The following KICS2 variants were observed in gnomAD, a reference collection of about 807,000 sequenced individuals.
The protein encoded by KICS2 is KICSTOR complex protein C12orf66.
Under a neutral mutation model 31.4 loss-of-function variants are expected in KICS2, and 13 were observed. The ratio of observed to expected loss-of-function variants is 0.41; its 90% CI spans 0.27 to 0.66. KICS2 has a LOEUF of 0.66. Among genes scored for constraint, KICS2 ranks in the 30% least tolerant of loss-of-function variants. KICS2 has a pLI of 0.28. For synonymous variants in KICS2, 209 were observed against 214.8 expected, an observed-to-expected ratio of 0.97 and a Z score of 0.24; for missense variants, 455 against 545.4, an observed-to-expected ratio of 0.83 and a Z score of 1.65.
chr12:64,213,601 A>G (rs1164388751), intron 2 of KICS2, among the ~76,000 whole-genome samples: 1 of 152,188 alleles, frequency 6.6e-6, no homozygotes, highest in African/African-American at 2.4e-5. Context: ...TGAAAAATCA[A>G]TTGCTGTTTT....
At chr12:64,202,540 T>A (rs2037499591) in intron 2 of KICS2, among the ~76,000 whole-genome samples, 1 of 151,500 alleles carries the variant, frequency 6.6e-6, no homozygotes, top group South Asian at 2.1e-4. Context: ...GCTTGAGTCA[T>A]AATGTTCTAG....
rs571450168 is a variant in KICS2, at chr12:64,194,226, G to A, written c.954C>T (p.Asp318=). The A allele has an allele frequency of 2.5e-6, 4 of 1,614,192 alleles. No homozygotes were observed. The East Asian group carries it at 6.7e-5, about 27-fold the overall frequency. Residue 318 remains aspartate (D), a synonymous_variant, in exon 3 of 3, where the codon GAC becomes GAT. Coordinates refer to ENST00000398055, the MANE Select transcript of KICS2 (RefSeq NM_152440.5). Reference sequence around the variant, plus strand: ...CCTGAAAACTCTCAGAACCTCTGTTGTCAAAAATTAAGGACACATTGGCAG... The same window carrying A: ...CCTGAAAACTCTCAGAACCTCTGTTATCAAAAATTAAGGACACATTGGCAG... The part of the protein sequence containing the change: ...YDAANVSLIF[D]NRGSESFQGH...
chr12:64,204,271 T>G lies in KICS2; in HGVS notation c.522-9613A>C, dbSNP rs187389159. Among the ~76,000 whole-genome samples, 818 of 152,240 alleles carry G rather than the reference T, an allele frequency of 5.4e-3. 13 individuals are homozygous for G. Among genetic ancestry groups the G allele is most frequent in the African/African-American group, 0.019 (783 of 41,538 alleles). Reference sequence around the variant, plus strand: ...GTTAATGCATGCTGGGCTTAATACCTCAGTGATGGGTTAACAGGTGCAGCA... The same window carrying G: ...GTTAATGCATGCTGGGCTTAATACCGCAGTGATGGGTTAACAGGTGCAGCA... On this transcript the variant is annotated intron_variant, in intron 2 of 2. Coordinates refer to ENST00000398055, the MANE Select transcript of KICS2 (RefSeq NM_152440.5).
chr12:64,202,160 T>C (rs2037496371), intron 2 of KICS2, among the ~76,000 whole-genome samples: 1 of 152,172 alleles, frequency 6.6e-6, no homozygotes, highest in South Asian at 2.1e-4. Context: ...AACCCAGCAC[T>C]TTGGGAGGCA....
intron 2 of KICS2, among the ~76,000 whole-genome samples, chr12:64,208,817 A>AT (rs1372021178): frequency 6.6e-6 from 1 of 152,116 alleles, no homozygotes; most frequent in East Asian, 1.9e-4. Flanking sequence ...TACCGTAGAG[A>AT]TTTTTTTAAT....
At chr12:64,187,939 A>G (rs1436192545), downstream of KICS2, among the ~76,000 whole-genome samples, 1 of 152,218 alleles carries the variant, frequency 6.6e-6, no homozygotes, top group Non-Finnish European at 1.5e-5. Flanking sequence ...CCTGCCAAAT[A>G]CATACAGCAA....
At chr12:64,204,406 G>C (rs2037518682) in intron 2 of KICS2, among the ~76,000 whole-genome samples, 1 of 152,088 alleles carries the variant, frequency 6.6e-6, no homozygotes, top group Admixed American at 6.6e-5. Flanking sequence ...CAAAAAATCA[G>C]AAAGATAAAC....
Position 64,217,862 on chromosome 12 carries a change from A to G in KICS2, c.236-1899T>C, listed in dbSNP as rs2037644170. ...AGGAAGGAAGGAAGAAAAGGAAAGG[A>G]AAGAAAAGAAAAGAAAGGAAAGGAA... On this transcript the variant is annotated intron_variant, in intron 1 of 2. Transcript: ENST00000398055. Among the ~76,000 whole-genome samples the G allele has an allele frequency of 3.6e-5, 5 of 139,058 alleles. No individual in the cohort carries two copies. In the South Asian group the frequency reaches 1.0e-3, roughly 29 times the overall value. 91.2% of individuals were successfully genotyped at this position (139,058 alleles called of 152,430 possible).
intron 2 of KICS2, among the ~76,000 whole-genome samples, chr12:64,210,734 G>A (rs1014971307): frequency 6.6e-6 from 1 of 152,098 alleles, no homozygotes; most frequent in African/African-American, 2.4e-5. Flanking sequence ...CCGAGAGAGC[G>A]CCACTGAACT....
chr12:64,186,327 A>T (rs1409509825), downstream of KICS2: 1 of 152,226 alleles, frequency 6.6e-6, no homozygotes, highest in Non-Finnish European at 1.5e-5. Flanking sequence ...ATACTGAGTA[A>T]TATTTAATAA....
chr12:64,210,846 G>GAC (rs139454916), intron 2 of KICS2, among the ~76,000 whole-genome samples: 100 of 151,504 alleles, frequency 6.6e-4, no homozygotes, highest in African/African-American at 1.6e-3. Context: ...AGTCCCAGGA[G>GAC]ACACACACAC....
chr12:64,192,518 G>T lies in KICS2; in HGVS notation c.*1324C>A. 3.9e-6 allele frequency: 3 copies of T among 767,562 alleles called. No homozygotes were observed. The highest frequency in any genetic ancestry group is 1.3e-4 in the East Asian group (1 of 7,748). 47.5% of individuals were successfully genotyped at this position (767,562 alleles called of 1,614,324 possible). A position where few individuals can be genotyped will look rare whatever the true frequency, so the allele number is the denominator to read the frequency against. ...TCTCTGGTCTCTGCTGATGTTGCTG[G>T]CATACCTGCTGTGGACACCCAGTAA... On this transcript the variant is annotated 3_prime_UTR_variant, in exon 3 of 3. Transcript: ENST00000398055.
downstream of KICS2, chr12:64,187,658 A>G (rs2136681895): frequency 6.5e-7 from 1 of 1,535,284 alleles, no homozygotes; most frequent in African/African-American, 1.4e-5. Context: ...GGAACCTGGT[A>G]GAAAAGTAGA....
chr12:64,212,922 T>C (rs1207784358), intron 2 of KICS2, among the ~76,000 whole-genome samples: 1 of 151,782 alleles, frequency 6.6e-6, no homozygotes, highest in Admixed American at 6.6e-5. Context: ...AAACCCTGTC[T>C]CTACCAAAAA....
chr12:64,193,765 A>G lies in KICS2; in HGVS notation c.*77T>C. The G allele has an allele frequency of 6.7e-7, 1 of 1,492,554 alleles. No homozygotes were observed. Among genetic ancestry groups the G allele is most frequent in the Non-Finnish European group, 8.9e-7 (1 of 1,122,566 alleles). The allele number at this position is 1,492,554 out of a possible 1,614,324, so 92.5% of individuals were successfully genotyped here. ...AGAGGCATGAATGGATGTAAACTCT[A>G]TTCACAGACCACCGTAGATCATTAG... On this transcript the variant is annotated 3_prime_UTR_variant, in exon 3 of 3. Coordinates refer to ENST00000398055, the MANE Select transcript of KICS2 (RefSeq NM_152440.5).
intron 2 of KICS2, among the ~76,000 whole-genome samples, chr12:64,195,859 G>A (rs1433928996): frequency 6.6e-6 from 1 of 152,210 alleles, no homozygotes. Flanking sequence ...TGGAAAATCG[G>A]GTCACTCCCA....
At chr12:64,187,096 T>G (rs2037344671), downstream of KICS2, 2 of 152,886 alleles carry the variant, frequency 1.3e-5, no homozygotes, top group African/African-American at 2.4e-5. Flanking sequence ...CAAATTTAAC[T>G]GGATTGTAGA....
intron 2 of KICS2, among the ~76,000 whole-genome samples, chr12:64,213,963 G>A (rs2037605445): frequency 6.6e-6 from 1 of 152,152 alleles, no homozygotes; most frequent in Non-Finnish European, 1.5e-5. Flanking sequence ...CTATCCCACT[G>A]TCTTGCAACC....
At chr12:64,196,382 T>G (rs1274442263) in intron 2 of KICS2, among the ~76,000 whole-genome samples, 1 of 151,216 alleles carries the variant, frequency 6.6e-6, no homozygotes, top group Non-Finnish European at 1.5e-5. Flanking sequence ...GACCTGCAGC[T>G]GAGGGTCCTG....
Sources: allele counts gnomAD v4.1 joint callset (sites outside exome capture counted in the v4.1 genomes callset), GRCh38; gene constraint gnomAD v4.1.1; transcripts MANE v1.5; gene names NCBI Gene and HGNC (gene_info 2026-07-23, HGNC 2026-07-21).